The following RASA3 variants were observed in gnomAD, a reference collection of about 807,000 sequenced individuals.
The protein encoded by RASA3 is RAS p21 protein activator 3, also known as ras GTPase-activating protein 3.
Under a neutral mutation model 110.0 loss-of-function variants are expected in RASA3, and 73 were observed. That is an observed-to-expected ratio of 0.66 (90% CI 0.55 to 0.81). The LOEUF (loss-of-function observed/expected upper bound fraction) is 0.81. RASA3 is among the 30% of genes least tolerant of loss of function. RASA3 has a pLI of 0.00. For missense variants in RASA3, 976 were observed against 1,113.2 expected (o/e 0.88, Z 1.75); for synonymous variants, 500 against 451.4 (o/e 1.11, Z -1.37).
chr13:114,002,625 A>AT (rs1221820745), intron 18 of RASA3, among the ~76,000 whole-genome samples: 3 of 152,072 alleles, frequency 2.0e-5, no homozygotes, highest in Admixed American at 6.5e-5. Context: ...CGGCTTTAGG[A>AT]TTTTTTTAAG....
In RASA3 at chr13:113,992,472, C is replaced by T. The variant is rs561135666; in HGVS notation, c.2245+13G>A. ...CCCCTCGCTGCACAGATCTGTGTGC[C>T]GGGCAGACTCACCCTGCATCTTCTC... On this transcript the variant is annotated intron_variant, in intron 22 of 23. Coordinates refer to ENST00000334062, the MANE Select transcript of RASA3 (RefSeq NM_007368.4). 5.9e-5 allele frequency: 95 copies of T among 1,603,226 alleles called. 1 individual carries two copies. In the South Asian group the frequency reaches 8.8e-4, roughly 15 times the overall value.
intron 1 of RASA3, among the ~76,000 whole-genome samples, chr13:114,094,056 G>A (rs896576122): frequency 2.0e-4 from 30 of 151,924 alleles, no homozygotes; most frequent in Non-Finnish European, 3.8e-4. Context: ...CCCGTCTCTC[G>A]CACCTTATTT....
rs373239727 is a variant in RASA3, at chr13:114,073,717, T to C, written c.173+3A>G. ...TGCCAAGTAAAGCAACAGAAGACAT[T>C]ACCAGAGTGACTTTTCCACAATTTT... is the stretch of plus-strand genomic sequence containing the variant. On this transcript the variant is annotated splice_donor_region_variant and intron_variant, in intron 2 of 23. Transcript: ENST00000334062. 2 of 1,608,068 alleles carry C rather than the reference T, an allele frequency of 1.2e-6. No homozygotes were observed. The highest frequency in any genetic ancestry group is 1.7e-6 in the Non-Finnish European group (2 of 1,174,532).
At chr13:114,058,665 A>G (rs1176518809) in intron 2 of RASA3, among the ~76,000 whole-genome samples, 1 of 152,192 alleles carries the variant, frequency 6.6e-6, no homozygotes, top group Non-Finnish European at 1.5e-5. Flanking sequence ...TGCCCTTCCC[A>G]GGCCCTGCTC....
intron 12 of RASA3, among the ~76,000 whole-genome samples, chr13:114,016,679 C>T (rs1372396721): frequency 6.6e-6 from 1 of 152,262 alleles, no homozygotes; most frequent in African/African-American, 2.4e-5. Context: ...ACGGACTAGG[C>T]CTCACAGGGC....
At chr13:114,040,140 C>T (rs762230239) in intron 4 of RASA3, among the ~76,000 whole-genome samples, 1 of 152,270 alleles carries the variant, frequency 6.6e-6, no homozygotes, top group African/African-American at 2.4e-5. Flanking sequence ...TGACAAAGGG[C>T]GGCAGTAGGC....
chr13:114,059,759 C>T lies in RASA3; in HGVS notation c.174-7604G>A, dbSNP rs117189822. Among the ~76,000 whole-genome samples, 640 of 152,362 alleles carry T rather than the reference C, an allele frequency of 4.2e-3. 3 individuals carry two copies. Among genetic ancestry groups the T allele is most frequent in the South Asian group, 7.5e-3 (36 of 4,830 alleles). ...AGGACCAAACAACGGGGAGCACTTTCGATGTCTTTGGCCCCCGCCAGGCGT... is the reference window on the plus strand; with the variant it reads ...AGGACCAAACAACGGGGAGCACTTTTGATGTCTTTGGCCCCCGCCAGGCGT... On this transcript the variant is annotated intron_variant, in intron 2 of 23. Transcript: ENST00000334062.
chr13:113,998,671 T>G (rs772162125), intron 20 of RASA3, among the ~76,000 whole-genome samples: 25 of 152,172 alleles, frequency 1.6e-4, no homozygotes, highest in Non-Finnish European at 2.9e-4. Flanking sequence ...TCTAGGGGAT[T>G]CCCGCCAGAA....
chr13:114,132,093 A>G (rs1220180342), intron 1 of RASA3, among the ~76,000 whole-genome samples: 1 of 152,236 alleles, frequency 6.6e-6, no homozygotes, highest in African/African-American at 2.4e-5. Flanking sequence ...GCACTCCTGC[A>G]AACACGCGGG....
At chr13:114,126,268 G>A (rs2080447617) in intron 1 of RASA3, among the ~76,000 whole-genome samples, 1 of 152,204 alleles carries the variant, frequency 6.6e-6, no homozygotes, top group Non-Finnish European at 1.5e-5. Context: ...ACATCCCCAC[G>A]GGACCCCGTG....
intron 1 of RASA3, among the ~76,000 whole-genome samples, chr13:114,128,025 G>A (rs531655729): frequency 2.6e-5 from 4 of 152,326 alleles, no homozygotes; most frequent in East Asian, 1.9e-4. Flanking sequence ...TGCCCCTGCC[G>A]GAGCCCCTGC....
intron 17 of RASA3, 108 bp from the exon 18 acceptor site, chr13:114,007,714 TG>T: frequency 1.1e-6 from 1 of 892,786 alleles, no homozygotes; most frequent in Non-Finnish European, 1.8e-6. Flanking sequence ...GTAATACCAG[TG>T]GAGACAGAAT....
chr13:114,105,238 C>T (rs1454177446), intron 1 of RASA3, among the ~76,000 whole-genome samples: 1 of 152,110 alleles, frequency 6.6e-6, no homozygotes, highest in African/African-American at 2.4e-5. Context: ...AAGCCCCCAC[C>T]CTGCCCTTGG....
At position 114,009,536 on chromosome 13, in the gene RASA3, A is replaced by G. The variant is rs1386360681; in HGVS notation, c.1591-72T>C. 1.7e-5 allele frequency: 18 copies of G among 1,038,656 alleles called. No individual in the cohort carries two copies. In the East Asian group the frequency reaches 4.3e-4, roughly 25 times the overall value. 64.3% of individuals were successfully genotyped at this position (1,038,656 alleles called of 1,614,324 possible). On this transcript the variant is annotated intron_variant, in intron 16 of 23. Coordinates refer to ENST00000334062, the MANE Select transcript of RASA3 (RefSeq NM_007368.4). The stretch of plus-strand genomic sequence containing the variant: ...CTCACGGCCCAAATCTGAAAAAGCT[A>G]GAGGCAAGAACTGTCCAAGCCTAAA...
chr13:114,021,887 GGCTCTGTGCCAGGAGGGAGCCAGGCGTC>G (rs1232671103), intron 8 of RASA3, among the ~76,000 whole-genome samples: 34 of 152,218 alleles, frequency 2.2e-4, no homozygotes, highest in South Asian at 2.1e-4. Flanking sequence ...CATGACCCCA[GGCTCTGTGCCAGGAGGGAGCCAGGCGTC>G]GCTCTGTGCC....
At position 114,115,242 on chromosome 13, in the gene RASA3, G is replaced by T. The variant is rs2080261862; in HGVS notation, c.55+17193C>A. 6.6e-6 allele frequency among the ~76,000 whole-genome samples: 1 copy of T among 152,236 alleles called. No homozygotes were observed. The highest frequency in any genetic ancestry group is 2.1e-4 in the South Asian group (1 of 4,836). ...GCGGTAACATGTTTACGGTCCCTGT[G>T]CCGCCGTGCGGTAGCAGTTTTCCCG... On this transcript the variant is annotated intron_variant, in intron 1 of 23. Transcript: ENST00000334062. This position sits in a 1 kb window ranked among gnomAD's most constrained non-coding sequence, Gnocchi z 5.0.
chr13:114,017,236 C>T lies in RASA3; in HGVS notation c.1206+1G>A, dbSNP rs2053813797. 1.2e-6 allele frequency: 2 copies of T among 1,612,576 alleles called. No homozygotes were observed. Among genetic ancestry groups the T allele is most frequent in the Non-Finnish European group, 8.5e-7 (1 of 1,179,226 alleles). On this transcript the variant is annotated splice_donor_variant, in intron 12 of 23. Transcript: ENST00000334062. LOFTEE classifies it high-confidence loss of function. ...CTGAGGACTCTCGGCCCCGTGCTCA[C>T]CTCCTCGATGGCGGGCTTCAGGGTG...
Position 114,024,363 on chromosome 13 carries a change from C to CA in RASA3, c.604-9dup. On this transcript the variant is annotated splice_polypyrimidine_tract_variant and intron_variant, in intron 7 of 23. Transcript: ENST00000334062. ...GCTACAGGGCCGGGTCACCTGGAGT[C>CA]AGACGAGAGAGAAAGCGCTGAGACC... 3 of 1,613,344 alleles carry CA rather than the reference C, an allele frequency of 1.9e-6. No individual in the cohort carries two copies. The highest frequency in any genetic ancestry group is 2.5e-6 in the Non-Finnish European group (3 of 1,179,546).
At chr13:113,993,332 C>A (rs1033111402) in intron 21 of RASA3, among the ~76,000 whole-genome samples, 1 of 151,948 alleles carries the variant, frequency 6.6e-6, no homozygotes. Flanking sequence ...CACACCACCA[C>A]GCCTGGCTAA....
Sources: gnomAD v4.1 joint callset for allele counts (sites outside exome capture counted in the v4.1 genomes callset) on GRCh38, gnomAD v4.1.1 for gene constraint, Gnocchi (gnomAD v3.1) non-coding constraint, MANE v1.5 for transcripts, NCBI Gene and HGNC (gene_info 2026-07-23, HGNC 2026-07-21) for gene names.